CERS6: variants seen among roughly 807,000 people sequenced by gnomAD.
CERS6 encodes ceramide synthase 6.
Under a neutral mutation model 56.8 loss-of-function variants are expected in CERS6, and 26 were observed. The observed-to-expected ratio is 0.46, with a 90% CI of 0.34 to 0.63. The LOEUF is 0.63. Among genes scored for constraint, CERS6 ranks in the 30% least tolerant of loss-of-function variants. The probability of loss-of-function intolerance (pLI) is 0.01; values close to 1 mark genes in which losing one functional copy is unlikely to be tolerated. For synonymous variants in CERS6, 164 were observed against 173.3 expected, an observed-to-expected ratio of 0.95 and a Z score of 0.42; for missense variants, 415 against 467.5, an observed-to-expected ratio of 0.89 and a Z score of 1.04.
At chr2:168,657,063 T>A (rs981063644) in intron 4 of CERS6, among the ~76,000 whole-genome samples, 9 of 149,594 alleles carry the variant, frequency 6.0e-5, no homozygotes, top group Non-Finnish European at 1.2e-4. Context: ...AGAGTGCCGA[T>A]TGGTGTATTT....
chr2:168,586,763 T>C (rs947882274), intron 3 of CERS6, among the ~76,000 whole-genome samples: 9 of 152,222 alleles, frequency 5.9e-5, no homozygotes, highest in Admixed American at 1.3e-4. Flanking sequence ...AAATTTCCTG[T>C]CATAAAAAGT....
At chr2:168,555,941 T>G (rs751976170) in intron 2 of CERS6, among the ~76,000 whole-genome samples, 4 of 152,138 alleles carry the variant, frequency 2.6e-5, no homozygotes, top group Non-Finnish European at 5.9e-5. Flanking sequence ...TTCATACCTA[T>G]AATATCAAAA....
chr2:168,732,827 A>C (rs1203654324), intron 8 of CERS6, among the ~76,000 whole-genome samples: 1 of 152,204 alleles, frequency 6.6e-6, no homozygotes, highest in East Asian at 1.9e-4. Flanking sequence ...AACTACATAC[A>C]CAAGTAGGGT....
chr2:168,483,958 G>T (rs534084600), intron 1 of CERS6, among the ~76,000 whole-genome samples: 2 of 152,150 alleles, frequency 1.3e-5, no homozygotes, highest in South Asian at 4.2e-4. Flanking sequence ...TGGTTATGCT[G>T]ATGTTGCTAG....
intron 8 of CERS6, among the ~76,000 whole-genome samples, chr2:168,732,948 A>G (rs1018485569): frequency 6.6e-6 from 1 of 152,140 alleles, no homozygotes; most frequent in Non-Finnish European, 1.5e-5. Flanking sequence ...TATATATATC[A>G]AATAGCTATA....
At chr2:168,745,794 GCGCTT>G (rs1179486934) in intron 8 of CERS6, among the ~76,000 whole-genome samples, 1 of 152,140 alleles carries the variant, frequency 6.6e-6, no homozygotes, top group Non-Finnish European at 1.5e-5. Flanking sequence ...CCAGAATGTG[GCGCTT>G]CAGGGAGAGT....
At chr2:168,488,940 T>C (rs2105337560) in intron 1 of CERS6, among the ~76,000 whole-genome samples, 1 of 152,320 alleles carries the variant, frequency 6.6e-6, no homozygotes, top group Non-Finnish European at 1.5e-5. Context: ...AGCAATCATA[T>C]AAATTTTAAA....
chr2:168,685,069 T>A (rs1156906823), intron 4 of CERS6, among the ~76,000 whole-genome samples: 1 of 152,214 alleles, frequency 6.6e-6, no homozygotes, highest in Non-Finnish European at 1.5e-5. Context: ...TCCAACTACA[T>A]AGAGAACAAA....
At chr2:168,671,451 AT>A (rs1685915644) in intron 4 of CERS6, among the ~76,000 whole-genome samples, 1 of 152,054 alleles carries the variant, frequency 6.6e-6, no homozygotes, top group African/African-American at 2.4e-5. Flanking sequence ...ATAGATGCCA[AT>A]TTTCCCTATA....
At chr2:168,550,187 TG>T (rs1695541829) in intron 2 of CERS6, among the ~76,000 whole-genome samples, 1 of 152,152 alleles carries the variant, frequency 6.6e-6, no homozygotes. Context: ...TTGTTGTTTT[TG>T]GTTTTGAGAC....
At chr2:168,698,562 GA>G (rs1686726853) in intron 6 of CERS6, among the ~76,000 whole-genome samples, 3 of 152,224 alleles carry the variant, frequency 2.0e-5, no homozygotes, top group South Asian at 4.1e-4. Flanking sequence ...GTTAAACGAT[GA>G]GAAACCGCAC....
At chr2:168,469,703 A>G (rs1426015406) in intron 1 of CERS6, among the ~76,000 whole-genome samples, 1 of 152,208 alleles carries the variant, frequency 6.6e-6, no homozygotes, top group Non-Finnish European at 1.5e-5. Flanking sequence ...ATGTGAAGCC[A>G]GTTATTAACA....
At chr2:168,626,541 A>G (rs1451939626) in intron 3 of CERS6, among the ~76,000 whole-genome samples, 1 of 152,220 alleles carries the variant, frequency 6.6e-6, no homozygotes, top group African/African-American at 2.4e-5. Context: ...AGTGGGTGGT[A>G]GTTTTTACTA....
chr2:168,463,335 A>C (rs1004517962), intron 1 of CERS6, among the ~76,000 whole-genome samples: 1 of 152,208 alleles, frequency 6.6e-6, no homozygotes, highest in Non-Finnish European at 1.5e-5. Flanking sequence ...AACTTATTCA[A>C]AAATATTTTT....
intron 1 of CERS6, among the ~76,000 whole-genome samples, chr2:168,531,007 A>G (rs1695156945): frequency 6.6e-6 from 1 of 152,244 alleles, no homozygotes; most frequent in Non-Finnish European, 1.5e-5. Flanking sequence ...ACTTTTAAAA[A>G]ATAATAAAAT....
chr2:168,496,368 C>T (rs1439496873), intron 1 of CERS6, among the ~76,000 whole-genome samples: 1 of 150,712 alleles, frequency 6.6e-6, no homozygotes, highest in Non-Finnish European at 1.5e-5. Context: ...AAAATGGTAA[C>T]ATATTGTATG....
intron 8 of CERS6, among the ~76,000 whole-genome samples, chr2:168,749,004 A>AC (rs1684185631): frequency 8.3e-6 from 1 of 120,742 alleles, no homozygotes; most frequent in Non-Finnish European, 1.6e-5. Context: ...CCTCTGTCTT[A>AC]CCATTTCCTC....
intron 2 of CERS6, among the ~76,000 whole-genome samples, chr2:168,558,676 T>G (rs987387533): frequency 1.3e-5 from 2 of 152,184 alleles, no homozygotes; most frequent in Non-Finnish European, 2.9e-5. Flanking sequence ...GAGACCATCC[T>G]GGCTAACACA....
At chr2:168,657,218 C>T (rs1320572216) in intron 4 of CERS6, among the ~76,000 whole-genome samples, 1 of 152,046 alleles carries the variant, frequency 6.6e-6, no homozygotes. Context: ...TATAAAGACT[C>T]TCCATGTCCT....
Sources: allele counts gnomAD v4.1 joint callset (sites outside exome capture counted in the v4.1 genomes callset), GRCh38; gene constraint gnomAD v4.1.1; transcripts MANE v1.5; gene names NCBI Gene and HGNC (gene_info 2026-07-23, HGNC 2026-07-21).